PLEKHG1: variants seen among roughly 807,000 people sequenced by gnomAD.
The protein encoded by PLEKHG1 is pleckstrin homology domain-containing family G member 1.
Under a neutral mutation model 100.8 loss-of-function variants are expected in PLEKHG1, and 44 were observed. The observed-to-expected ratio is 0.44, with a 90% CI of 0.34 to 0.56. The LOEUF is 0.56. PLEKHG1 is among the 20% of genes least tolerant of loss of function. PLEKHG1 has a pLI of 0.01. For missense variants in PLEKHG1, 1,545 were observed against 1,720.9 expected, an observed-to-expected ratio of 0.90 and a Z score of 1.81; for synonymous variants, 640 against 662.5, an observed-to-expected ratio of 0.97 and a Z score of 0.52.
At chr6:150,689,587 G>A in intron 3 of PLEKHG1, among the ~76,000 whole-genome samples, 1 of 152,196 alleles carries the variant, frequency 6.6e-6, no homozygotes, top group East Asian at 1.9e-4. Context: ...TTTTGGCCGG[G>A]CATGGTGGCT....
At chr6:150,834,861 A>C (rs1256586046) in intron 15 of PLEKHG1, among the ~76,000 whole-genome samples, 1 of 152,116 alleles carries the variant, frequency 6.6e-6, no homozygotes, top group Non-Finnish European at 1.5e-5. Flanking sequence ...CTAGGACCTG[A>C]TGAGTTATAT....
intron 3 of PLEKHG1, among the ~76,000 whole-genome samples, chr6:150,668,760 A>G (rs1416791502): frequency 6.6e-6 from 1 of 152,214 alleles, no homozygotes; most frequent in Non-Finnish European, 1.5e-5. Flanking sequence ...TAAAAATTTC[A>G]TGTTTCACTT....
At chr6:150,780,804 C>T (rs1473128994) in intron 3 of PLEKHG1, among the ~76,000 whole-genome samples, 2 of 152,016 alleles carry the variant, frequency 1.3e-5, no homozygotes, top group African/African-American at 4.8e-5. Flanking sequence ...TTGATGAATC[C>T]AATTTTTCTG....
intron 11 of PLEKHG1, 143 bp downstream of exon 12, chr6:150,818,359 T>A: frequency 1.5e-6 from 1 of 677,154 alleles, no homozygotes; most frequent in Non-Finnish European, 2.6e-6. Flanking sequence ...GGGTAGACAG[T>A]ATAATCCCTT....
At chr6:150,814,704 CT>C (rs1371585719) in intron 10 of PLEKHG1, among the ~76,000 whole-genome samples, 1 of 152,020 alleles carries the variant, frequency 6.6e-6, no homozygotes, top group East Asian at 1.9e-4. Flanking sequence ...ATAAAAACAC[CT>C]TTTTTTGTTT....
chr6:150,642,209 G>A (rs1216538935), intron 2 of PLEKHG1, among the ~76,000 whole-genome samples: 1 of 152,148 alleles, frequency 6.6e-6, no homozygotes, highest in Non-Finnish European at 1.5e-5. Flanking sequence ...CTGTTCATTT[G>A]AGGGAATTTT....
chr6:150,770,123 T>G (rs1262359905), intron 3 of PLEKHG1, among the ~76,000 whole-genome samples: 1 of 152,184 alleles, frequency 6.6e-6, no homozygotes, highest in Admixed American at 6.5e-5. Flanking sequence ...TACCAAAATA[T>G]AAGCCTACGA....
In PLEKHG1 at chr6:150,764,614, G is replaced by A. The variant is rs189676584; in HGVS notation, c.412-4024G>A. On this transcript the variant is annotated intron_variant, in intron 2 of 15. Transcript: ENST00000358517. ...GCTCTGTCCAGCTGGTCTCAACCCT[G>A]ACATCTGGCTGGCCTGAAATCTAGC... Among the ~76,000 whole-genome samples, 572 of 152,298 alleles carry A rather than the reference G, an allele frequency of 3.8e-3. 1 individual carries two copies. The highest frequency in any genetic ancestry group is 6.7e-3 in the Non-Finnish European group (456 of 68,034).
chr6:150,823,861 C>T (rs1174104027), intron 14 of PLEKHG1, among the ~76,000 whole-genome samples, 185 bp downstream of exon 15: 1 of 152,194 alleles, frequency 6.6e-6, no homozygotes, highest in East Asian at 1.9e-4. Flanking sequence ...TCATCCTTAT[C>T]AACTTCTTCC....
chr6:150,681,636 A>G (rs1682944263), intron 3 of PLEKHG1, among the ~76,000 whole-genome samples: 1 of 152,062 alleles, frequency 6.6e-6, no homozygotes, highest in Non-Finnish European at 1.5e-5. Flanking sequence ...ACATCCTCCA[A>G]ATTTAGAAAA....
At chr6:150,766,626 CT>C (rs777063339) in intron 2 of PLEKHG1, among the ~76,000 whole-genome samples, 13 of 152,186 alleles carry the variant, frequency 8.5e-5, no homozygotes, top group Non-Finnish European at 1.5e-4. Context: ...AAACAAGCAA[CT>C]TTTAAAATTT....
intron 1 of PLEKHG1, among the ~76,000 whole-genome samples, chr6:150,630,093 G>A (rs1220368890): frequency 6.6e-6 from 1 of 152,190 alleles, no homozygotes; most frequent in Admixed American, 6.5e-5. Flanking sequence ...ACTGCCCACA[G>A]TGCTCTCTTT....
chr6:150,615,826 A>G (rs1173798122), intron 1 of PLEKHG1, among the ~76,000 whole-genome samples: 4 of 152,224 alleles, frequency 2.6e-5, no homozygotes, highest in Admixed American at 6.5e-5. Context: ...ACCAAGAAGT[A>G]GCAGATGCTG....
chr6:150,703,539 T>A (rs1582971057), intron 3 of PLEKHG1, among the ~76,000 whole-genome samples: 1 of 150,528 alleles, frequency 6.6e-6, no homozygotes, highest in East Asian at 2.0e-4. Flanking sequence ...AAGTGGAGGT[T>A]ACAGTGAGCC....
intron 3 of PLEKHG1, among the ~76,000 whole-genome samples, chr6:150,709,913 G>A (rs1781182200): frequency 6.6e-6 from 1 of 152,124 alleles, no homozygotes; most frequent in Non-Finnish European, 1.5e-5. Context: ...AGCCTCCCAT[G>A]TAGCTGGGAC....
intron 1 of PLEKHG1, among the ~76,000 whole-genome samples, chr6:150,636,301 A>T (rs951714145): frequency 6.6e-6 from 1 of 152,130 alleles, no homozygotes; most frequent in Non-Finnish European, 1.5e-5. Context: ...TTAAAAAAAA[A>T]AGCTAGTGTA....
rs1583214572 is a variant in PLEKHG1 at position 150,831,042 on chromosome 6, C to T, written c.1931C>T (p.Thr644Ile). 1 of 1,614,004 alleles carries T rather than the reference C, an allele frequency of 6.2e-7. No homozygotes were observed. Among genetic ancestry groups the T allele is most frequent in the South Asian group, 1.1e-5 (1 of 91,070 alleles). ...AAAACAGAAGGGCAGGAGGAGATGA[C>T]TCCCTTTGGGTCATCCATAGAGTTG... is the stretch of plus-strand genomic sequence containing the variant. Residue 644 changes from threonine (T) to isoleucine (I), a missense_variant, in exon 15 of 16, where the codon ACT becomes ATT. Coordinates refer to ENST00000358517, the Ensembl canonical transcript of PLEKHG1. This position sits in a 1 kb window ranked among gnomAD's most constrained non-coding sequence, Gnocchi z 4.1.
chr6:150,737,072 C>G (rs965029299), intron 2 of PLEKHG1, among the ~76,000 whole-genome samples: 2 of 152,106 alleles, frequency 1.3e-5, no homozygotes, highest in Non-Finnish European at 2.9e-5. Context: ...ACCCTGTCCT[C>G]CTAGAAAACT....
chr6:150,724,576 T>TTC (rs1491018278), intron 1 of PLEKHG1, among the ~76,000 whole-genome samples: 1 of 112,656 alleles, frequency 8.9e-6, no homozygotes, highest in Non-Finnish European at 2.1e-5. Context: ...TTTTTTTTTT[T>TTC]TGAGATGGAG....
Sources: gnomAD v4.1 joint callset for allele counts (sites outside exome capture counted in the v4.1 genomes callset) on GRCh38, gnomAD v4.1.1 for gene constraint, Gnocchi (gnomAD v3.1) non-coding constraint, MANE v1.5 for transcripts, NCBI Gene and HGNC (gene_info 2026-07-23, HGNC 2026-07-21) for gene names.